PSMG2: variants seen among roughly 807,000 people sequenced by gnomAD.
PSMG2 encodes CD40 ligand-activated specific transcript 3.
In PSMG2, 21 loss-of-function variants were observed where a neutral mutation model predicts 31.5. The observed-to-expected ratio is 0.67, with a 90% CI of 0.47 to 0.96. The LOEUF (loss-of-function observed/expected upper bound fraction) is 0.96. PSMG2 is among the 40% of genes least tolerant of loss of function. PSMG2 has a pLI of 0.00. For missense variants in PSMG2, 318 were observed against 321.2 expected (o/e 0.99, Z 0.08); for synonymous variants, 120 against 110.4 (o/e 1.09, Z -0.54).
chr18:12,700,015 CTTTCAAAGAACCCCTTAT>C, upstream of PSMG2: 1 of 533,518 alleles, frequency 1.9e-6, no homozygotes, highest in Non-Finnish European at 3.2e-6. Context: ...GGGTAAGGCC[CTTTCAAAGAACCCCTTAT>C]TTTCCTAGCC....
chr18:12,702,388 C>T, upstream of PSMG2: 4 of 905,164 alleles, frequency 4.4e-6, no homozygotes, highest in Non-Finnish European at 7.2e-6. Context: ...TCGCTACAGT[C>T]CCGGCAAGCA....
At chr18:12,712,431 G>C (rs1233976181) in intron 2 of PSMG2, among the ~76,000 whole-genome samples, 1 of 152,090 alleles carries the variant, frequency 6.6e-6, no homozygotes, top group Admixed American at 6.5e-5. Context: ...CTCTGGTTTT[G>C]CAGTTAAAGT....
intron 1 of PSMG2, chr18:12,679,117 T>A (rs1372428817): frequency 6.6e-6 from 1 of 151,616 alleles, no homozygotes; most frequent in East Asian, 1.9e-4. Context: ...AACACACACA[T>A]TTAAAGACAA....
chr18:12,682,413 T>C (rs2039383941), intron 1 of PSMG2, among the ~76,000 whole-genome samples: 1 of 152,134 alleles, frequency 6.6e-6, no homozygotes, highest in South Asian at 2.1e-4. Flanking sequence ...GGTCTCGAAT[T>C]CCTGGACTCA....
At position 12,686,353 on chromosome 18, in the gene PSMG2, T is replaced by C. The variant is rs149803365; in HGVS notation, c.-36-20197T>C. 85 of 1,614,126 alleles carry C rather than the reference T, an allele frequency of 5.3e-5. No individual in the cohort carries two copies. In the African/African-American group the frequency reaches 1.0e-3, roughly 19 times the overall value. ...AGGGGCTCGTTCATAACCAAGGACA[T>C]TAACAAATCTTGCTGCTTGCCTTGG... On this transcript the variant is annotated intron_variant, in intron 1 of 6. Transcript: ENST00000585331.
chr18:12,699,464 A>G (rs979148897), upstream of PSMG2, among the ~76,000 whole-genome samples: 1 of 152,214 alleles, frequency 6.6e-6, no homozygotes, highest in African/African-American at 2.4e-5. Flanking sequence ...GCCAATATGT[A>G]GTATACTTTT....
rs182217907 is a variant in PSMG2 at position 12,673,804 on chromosome 18, C to T, written c.-37+15031C>T. Reference sequence around the variant, plus strand: ...GCTGAGGCAGGAGAATCGCTTGAATCCAGGAGGCAGAGGTTGCAGTGAGCC... The same window carrying T: ...GCTGAGGCAGGAGAATCGCTTGAATTCAGGAGGCAGAGGTTGCAGTGAGCC... On this transcript the variant is annotated intron_variant, in intron 1 of 6. Coordinates refer to the PSMG2 transcript ENST00000585331. Among the ~76,000 whole-genome samples, 4 of 152,240 alleles carry T rather than the reference C, an allele frequency of 2.6e-5. No homozygotes were observed. The East Asian group carries it at 7.7e-4, about 29-fold the overall frequency.
intron 1 of PSMG2, chr18:12,697,360 T>C: frequency 6.2e-7 from 1 of 1,613,570 alleles, no homozygotes; most frequent in East Asian, 2.2e-5. Flanking sequence ...ATGAATTGGA[T>C]CACTTATTGA....
chr18:12,691,387 T>C (rs765492139), intron 1 of PSMG2: 5 of 1,605,762 alleles, frequency 3.1e-6, no homozygotes, highest in East Asian at 2.2e-5. Context: ...CAGTCGTGAG[T>C]TGTGTGAGGG....
chr18:12,724,437 A>C lies in PSMG2; in HGVS notation c.582-62A>C, dbSNP rs994209597. On this transcript the variant is annotated intron_variant, in intron 5 of 6. Coordinates refer to ENST00000317615, the MANE Select transcript of PSMG2 (RefSeq NM_020232.5). ...GGTTATCGTAGCTGTAAAAACAGAC[A>C]CACTAGAGTCAGCTCTTGTACCCTA... 2.8e-6 allele frequency: 4 copies of C among 1,431,046 alleles called. No homozygotes were observed. The African/African-American group carries it at 5.9e-5, about 21-fold the overall frequency. 88.6% of individuals were successfully genotyped at this position (1,431,046 alleles called of 1,614,324 possible).
Position 12,688,729 on chromosome 18 carries a change from T to A in PSMG2, c.-36-17821T>A, listed in dbSNP as rs554587928. On this transcript the variant is annotated intron_variant, in intron 1 of 6. Transcript: ENST00000585331. ...TTAATTAAAATTTAAAATTCAATTA[T>A]TTTTAGTCATAATAGCCACATTTTG... 1.6e-3 allele frequency among the ~76,000 whole-genome samples: 246 copies of A among 152,306 alleles called. 1 individual carries two copies. The highest frequency in any genetic ancestry group is 5.6e-3 in the African/African-American group (232 of 41,566).
At chr18:12,699,103 A>G, upstream of PSMG2, 1 of 1,614,158 alleles carries the variant, frequency 6.2e-7, no homozygotes. Flanking sequence ...ACGTTGAACA[A>G]ACTTGTCCAG....
At chr18:12,718,924 G>T (rs2040403721) in intron 4 of PSMG2, among the ~76,000 whole-genome samples, 1 of 152,158 alleles carries the variant, frequency 6.6e-6, no homozygotes, top group South Asian at 2.1e-4. Context: ...CAACATCACA[G>T]AGCTCAGCTA....
intron 3 of PSMG2, among the ~76,000 whole-genome samples, chr18:12,717,998 T>C (rs2040393784): frequency 6.7e-6 from 1 of 149,656 alleles, no homozygotes; most frequent in South Asian, 2.1e-4. Context: ...TGATTTCTTT[T>C]CTTTTTCTTT....
intron 5 of PSMG2, among the ~76,000 whole-genome samples, chr18:12,722,693 C>A (rs570377661): frequency 6.6e-6 from 1 of 152,308 alleles, no homozygotes; most frequent in African/African-American, 2.4e-5. Flanking sequence ...TCAGTTGTAT[C>A]AACCAGAATA....
At chr18:12,715,454 A>C (rs892172746) in intron 3 of PSMG2, among the ~76,000 whole-genome samples, 8 of 152,172 alleles carry the variant, frequency 5.3e-5, no homozygotes, top group African/African-American at 1.7e-4. Flanking sequence ...TCTTTTCAGG[A>C]GGTTAGAAAT....
chr18:12,708,700 CTT>C (rs71371298), intron 2 of PSMG2, among the ~76,000 whole-genome samples: 223 of 88,732 alleles, frequency 2.5e-3, no homozygotes, highest in South Asian at 0.011. Context: ...TTACAACGTT[CTT>C]TTTTTTTTTT....
rs145770824 is a variant in PSMG2, at chr18:12,683,167, C to T, written c.-36-23383C>T. 3.8e-3 allele frequency among the ~76,000 whole-genome samples: 391 copies of T among 102,216 alleles called. 4 individuals are homozygous for T. The highest frequency in any genetic ancestry group is 0.012 in the African/African-American group (371 of 30,020). 67.1% of individuals were successfully genotyped at this position (102,216 alleles called of 152,430 possible). A position where few individuals can be genotyped will look rare whatever the true frequency, so the allele number is the denominator to read the frequency against. ...TTGAGACCACCCTGGCCAAGAAACC[C>T]CATCTCTACTAAAAATACCAAAAAA... On this transcript the variant is annotated intron_variant, in intron 1 of 6. Coordinates refer to the PSMG2 transcript ENST00000585331.
chr18:12,711,459 A>G (rs1199701568), intron 2 of PSMG2, among the ~76,000 whole-genome samples: 1 of 152,180 alleles, frequency 6.6e-6, no homozygotes, highest in Non-Finnish European at 1.5e-5. Flanking sequence ...TCTTTGCCTT[A>G]GTCTCTTTTC....
Sources: gnomAD v4.1 joint callset for allele counts (sites outside exome capture counted in the v4.1 genomes callset) on GRCh38, gnomAD v4.1.1 for gene constraint, MANE v1.5 for transcripts, NCBI Gene and HGNC (gene_info 2026-07-23, HGNC 2026-07-21) for gene names.